Variants in LTBP3 observed in about 807,000 individuals in gnomAD.
The protein encoded by LTBP3 is latent-transforming growth factor beta-binding protein 3.
A neutral mutation model predicts 159.7 loss-of-function variants in LTBP3; 97 were observed. The ratio of observed to expected loss-of-function variants is 0.61; its 90% CI spans 0.52 to 0.72. The LOEUF is 0.72. Ranked by LOEUF, LTBP3 falls within the 30% of genes least tolerant of loss-of-function variation. The pLI is 0.00. For missense variants in LTBP3, 1,584 were observed against 1,864.3 expected (o/e 0.85, Z 2.77); for synonymous variants, 824 against 777.1 (o/e 1.06, Z -1.00).
At chr11:65,555,123 T>C (rs556339439) in intron 1 of LTBP3, among the ~76,000 whole-genome samples, 21 of 152,216 alleles carry the variant, frequency 1.4e-4, no homozygotes, top group Non-Finnish European at 2.1e-4. Context: ...TAATGTCCCA[T>C]GAACCTGCCT....
chr11:65,553,275 T>G lies in LTBP3; in HGVS notation c.971-19A>C, dbSNP rs747338266. 6.3e-7 allele frequency: 1 copy of G among 1,591,802 alleles called. No homozygotes were observed. Among genetic ancestry groups the G allele is most frequent in the South Asian group, 1.1e-5 (1 of 90,584 alleles). On this transcript the variant is annotated intron_variant, in intron 4 of 27. Transcript: ENST00000301873. The surrounding 1 kb of genome is among the most constrained non-coding windows in gnomAD (Gnocchi z 6.5). ...CCTGTGTCTGCAGAGAGAGGATAGC[T>G]TGGCAGGGGAGGGTGAGGAGGGAAC... is the stretch of plus-strand genomic sequence containing the variant.
chr11:65,539,647 G>A lies in LTBP3; in HGVS notation c.3548-19C>T. ...TGGGACCCTGGGAGGAGCAGAACTG[G>A]TCAGCGACGTCCGGGTCCCCGGGCC... On this transcript the variant is annotated intron_variant, in intron 25 of 27. Coordinates refer to ENST00000301873, the MANE Select transcript of LTBP3 (RefSeq NM_001130144.3). The A allele has an allele frequency of 6.3e-7, 1 of 1,599,952 alleles. No homozygotes were observed. Among genetic ancestry groups the A allele is most frequent in the Non-Finnish European group, 8.5e-7 (1 of 1,175,700 alleles).
rs1037897694 is a variant in LTBP3 at position 65,554,807 on chromosome 11, C to T, written c.332-427G>A. ...CCAAAGGTATTGGCTCCGTCCCTGG[C>T]GCCTCCTCCTCTTCTCCCATAAACC... On this transcript the variant is annotated intron_variant, in intron 1 of 27. Transcript: ENST00000301873. The surrounding 1 kb of genome is among the most constrained non-coding windows in gnomAD (Gnocchi z 5.3). Among the ~76,000 whole-genome samples, 1 of 150,942 alleles carries T rather than the reference C, an allele frequency of 6.6e-6. No individual in the cohort carries two copies. The highest frequency in any genetic ancestry group is 6.6e-5 in the Admixed American group (1 of 15,158).
chr11:65,546,991 GC>G lies in LTBP3; in HGVS notation c.2108-72del, dbSNP rs1187024526. The G allele has an allele frequency of 6.3e-7, 1 of 1,595,514 alleles. No individual in the cohort carries two copies. The highest frequency in any genetic ancestry group is 8.5e-7 in the Non-Finnish European group (1 of 1,175,004). The stretch of plus-strand genomic sequence containing the variant: ...GGTGGCCCGGCTCCCAGCGTCCACA[GC>G]AGGGACTTCCTCCCACACAGATCAA... On this transcript the variant is annotated intron_variant, in intron 14 of 27. Coordinates refer to ENST00000301873, the MANE Select transcript of LTBP3 (RefSeq NM_001130144.3). This position sits in a 1 kb window ranked among gnomAD's most constrained non-coding sequence, Gnocchi z 4.0.
Position 65,538,665 on chromosome 11 carries a change from A to C in LTBP3, c.*415T>G. 8.5e-4 allele frequency: 1,137 copies of C among 1,343,752 alleles called. No homozygotes were observed. The highest frequency in any genetic ancestry group is 1.0e-3 in the Non-Finnish European group (1,038 of 994,674). 83.2% of individuals were successfully genotyped at this position (1,343,752 alleles called of 1,614,324 possible). On this transcript the variant is annotated 3_prime_UTR_variant, in exon 28 of 28. Coordinates refer to ENST00000301873, the MANE Select transcript of LTBP3 (RefSeq NM_001130144.3). The stretch of plus-strand genomic sequence containing the variant: ...CCGGCCGGCCCAGCCAGGCCATCTC[A>C]CGTGTACATAATCAGAGCCACAATA...
rs1289786148 is a variant in LTBP3, at chr11:65,546,121, C to T, written c.2353+321G>A. On this transcript the variant is annotated intron_variant, in intron 16 of 27. Transcript: ENST00000301873. The surrounding 1 kb of genome is among the most constrained non-coding windows in gnomAD (Gnocchi z 4.0). The stretch of plus-strand genomic sequence containing the variant: ...CCAGTTTTCAATGAGTCCCAGCCCC[C>T]AGCCCCGCCTCTTGGCGTATAATAA... 1.3e-5 allele frequency: 5 copies of T among 398,524 alleles called. No homozygotes were observed. The highest frequency in any genetic ancestry group is 1.1e-4 in the South Asian group (4 of 35,558). The allele number at this position is 398,524 out of a possible 1,614,324, so 24.7% of individuals were successfully genotyped here.
Position 65,546,732 on chromosome 11 carries a change from C to CCCCCGGGCCCCAA in LTBP3, c.2230+65_2230+66insTTGGGGCCCGGGG. ...CACCACCGCTACCCCGCCCCGCCCC[C>CCCCCGGGCCCCAA]AGCGGAGCCAGACTGGGGGAGGCAC... On this transcript the variant is annotated intron_variant, in intron 15 of 27. Transcript: ENST00000301873. The surrounding 1 kb of genome is among the most constrained non-coding windows in gnomAD (Gnocchi z 4.0). 1.3e-6 allele frequency: 2 copies of CCCCCGGGCCCCAA among 1,542,290 alleles called. No homozygotes were observed. Among genetic ancestry groups the CCCCCGGGCCCCAA allele is most frequent in the Non-Finnish European group, 1.7e-6 (2 of 1,143,016 alleles).
chr11:65,546,951 T>G lies in LTBP3; in HGVS notation c.2108-31A>C, dbSNP rs1429368506. 1 of 1,607,600 alleles carries G rather than the reference T, an allele frequency of 6.2e-7. No individual in the cohort carries two copies. Among genetic ancestry groups the G allele is most frequent in the Non-Finnish European group, 8.5e-7 (1 of 1,179,580 alleles). ...CGGGAGGGAGAAGGAAGAGGACCCA[T>G]CTGGGGACAACGCGGGTGGCCCGGC... is the stretch of plus-strand genomic sequence containing the variant. On this transcript the variant is annotated intron_variant, in intron 14 of 27. Transcript: ENST00000301873. The surrounding 1 kb of genome is among the most constrained non-coding windows in gnomAD (Gnocchi z 4.0).
rs960880284 is a variant in LTBP3, at chr11:65,546,459, T to TCGGGCG, written c.2330_2335dup (p.Ala777_Pro778dup). The TCGGGCG allele has an allele frequency of 5.7e-6, 9 of 1,573,392 alleles. No homozygotes were observed. The highest frequency in any genetic ancestry group is 2.3e-5 in the East Asian group (1 of 43,760). On this transcript the variant is annotated inframe_insertion, in exon 16 of 28. Transcript: ENST00000301873. This position sits in a 1 kb window ranked among gnomAD's most constrained non-coding sequence, Gnocchi z 4.0. ...GCGCTCACCCAAGCAACTGCGGCCG[T>TCGGGCG]CGGGCGCGGGCGCGTAGCCCTGGGC...
Position 65,553,598 on chromosome 11 carries a change from CT to C in LTBP3, c.865-69del. ...CCGGTGCCGCCTGTTAGGGTTGGGC[CT>C]TTTCCTCTTCCCCCGCCCCTCAGTT... On this transcript the variant is annotated intron_variant, in intron 3 of 27. Coordinates refer to ENST00000301873, the MANE Select transcript of LTBP3 (RefSeq NM_001130144.3). This position sits in a 1 kb window ranked among gnomAD's most constrained non-coding sequence, Gnocchi z 6.5. 6.6e-7 allele frequency: 1 copy of C among 1,506,578 alleles called. No individual in the cohort carries two copies. The highest frequency in any genetic ancestry group is 9.1e-7 in the Non-Finnish European group (1 of 1,102,086). The allele number at this position is 1,506,578 out of a possible 1,614,324, so 93.3% of individuals were successfully genotyped here.
intron 8 of LTBP3, 120 bp downstream of exon 8, chr11:65,551,852 G>C: frequency 8.2e-7 from 1 of 1,220,894 alleles, no homozygotes; most frequent in Non-Finnish European, 1.2e-6. Flanking sequence ...GAGGTCAGTG[G>C]ATGGGTCAGG....
rs779288121 is a variant in LTBP3 at position 65,539,859 on chromosome 11, G to T, written c.3408C>A (p.Asp1136Glu). ...SPAERAPERR[D>E]VCWSQRGEDG... The stretch of plus-strand genomic sequence containing the variant: ...CCTCTCCGCGCTGGCTCCAGCACAC[G>T]TCGCGCCGCTCCGGGGCACGCTCTG... Residue 1136 changes from aspartate to glutamate, a missense_variant, in exon 25 of 28, where the codon GAC becomes GAA. Transcript: ENST00000301873. 2.0e-6 allele frequency: 3 copies of T among 1,517,848 alleles called. No homozygotes were observed. The highest frequency in any genetic ancestry group is 1.8e-4 in the Middle Eastern group (1 of 5,664). 94.0% of individuals were successfully genotyped at this position (1,517,848 alleles called of 1,614,324 possible). A position where few individuals can be genotyped will look rare whatever the true frequency, so the allele number is the denominator to read the frequency against.
rs1197846405 is a variant in LTBP3, at chr11:65,541,607, A to T, written c.2718T>A (p.Gly906=). The part of the protein sequence containing the change: ...EGFTPTQDQH[G]CEEVEQPHHK... ...AGCTGGGAGGACACTCACCCTCACA[A>T]CCGTGCTGGTCCTGGGTGGGAGTGA... The change falls in exon 19 of 28, where the codon GGT becomes GGA. Residue 906 remains glycine (G), a synonymous_variant. Transcript: ENST00000301873. 6.2e-7 allele frequency: 1 copy of T among 1,614,036 alleles called. No homozygotes were observed. The highest frequency in any genetic ancestry group is 8.5e-7 in the Non-Finnish European group (1 of 1,179,990).
chr11:65,540,709 G>GGGCCTACAGGAGGGGCGT, intron 21 of LTBP3, 95 bp from the exon 22 acceptor site: 2 of 1,584,824 alleles, frequency 1.3e-6, no homozygotes, highest in African/African-American at 1.3e-5. Flanking sequence ...TCCCCGGGCG[G>GGGCCTACAGGAGGGGCGT]GGCCTACAGG....
chr11:65,548,017 G>A lies in LTBP3; in HGVS notation c.1749C>T (p.Asn583=), dbSNP rs1293270765. 6.2e-7 allele frequency: 1 copy of A among 1,613,926 alleles called. No homozygotes were observed. Among genetic ancestry groups the A allele is most frequent in the East Asian group, 2.2e-5 (1 of 44,874 alleles). Reference sequence around the variant, plus strand: ...GCACGCACTCTCCGTGGCCACAGATGTTCTGGTTCAGTCGGCACTCATCAG... The same window carrying A: ...GCACGCACTCTCCGTGGCCACAGATATTCTGGTTCAGTCGGCACTCATCAG... The part of the protein sequence containing the change: ...TETDECRLNQ[N]ICGHGECVPG... The change falls in exon 12 of 28, where the codon AAC becomes AAT. Residue 583 remains asparagine (N), a synonymous_variant. Coordinates refer to ENST00000301873, the MANE Select transcript of LTBP3 (RefSeq NM_001130144.3).
chr11:65,553,328 G>C lies in LTBP3; in HGVS notation c.971-72C>G, dbSNP rs1473591464. On this transcript the variant is annotated intron_variant, in intron 4 of 27. Coordinates refer to ENST00000301873, the MANE Select transcript of LTBP3 (RefSeq NM_001130144.3). The surrounding 1 kb of genome is among the most constrained non-coding windows in gnomAD (Gnocchi z 6.5). ...GGGAGGGGCACAGCAGATGTAGAGA[G>C]GAATCTGGTGACCTGGGGACTCCCA... 2 of 1,206,592 alleles carry C rather than the reference G, an allele frequency of 1.7e-6. No homozygotes were observed. Among genetic ancestry groups the C allele is most frequent in the Non-Finnish European group, 2.3e-6 (2 of 855,804 alleles). The allele number at this position is 1,206,592 out of a possible 1,614,324, so 74.7% of individuals were successfully genotyped here.
rs1565101783 is a variant in LTBP3 at position 65,554,314 on chromosome 11, G to A, written c.398C>T (p.Pro133Leu). ...CSSRNQCLCPPDFTGRFCQVP... is the reference protein window; with the variant it reads ...CSSRNQCLCPLDFTGRFCQVP... ...CTGGCAGAAGCGCCCAGTGAAGTCC[G>A]GGGGACACAGGCACTGGTTTCGCGA... Residue 133 changes from proline (P) to leucine (L), a missense_variant, in exon 2 of 28, where the codon CCG becomes CTG. This residue lies in a region of LTBP3 where 76 missense variants were observed against 133.3 expected (regional missense o/e 0.57). Coordinates refer to ENST00000301873, the MANE Select transcript of LTBP3 (RefSeq NM_001130144.3). This position sits in a 1 kb window ranked among gnomAD's most constrained non-coding sequence, Gnocchi z 5.3. 1.9e-6 allele frequency: 3 copies of A among 1,611,920 alleles called. No individual in the cohort carries two copies. Among genetic ancestry groups the A allele is most frequent in the Non-Finnish European group, 2.5e-6 (3 of 1,179,674 alleles).
Position 65,543,547 on chromosome 11 carries a change from C to A in LTBP3, c.2356G>T (p.Val786Leu), listed in dbSNP as rs1341757999. 3 of 1,614,092 alleles carry A rather than the reference C, an allele frequency of 1.9e-6. No homozygotes were observed. Among genetic ancestry groups the A allele is most frequent in the South Asian group, 1.1e-5 (1 of 91,088 alleles). ...ACGTCCCCAGCCTCACACTCGTCCA[C>A]ATCTGCAGGGCATAGGGGGTGTCAG... ...PAPDGRSCLD[V>L]DECEAGDVCD... The change falls in exon 17 of 28, where the codon GTG becomes TTG. Residue 786 changes from valine to leucine, a missense_variant and splice_region_variant. Coordinates refer to ENST00000301873, the MANE Select transcript of LTBP3 (RefSeq NM_001130144.3).
intron 18 of LTBP3, chr11:65,542,306 A>C (rs918864713): frequency 6.0e-6 from 1 of 165,338 alleles, no homozygotes; most frequent in Non-Finnish European, 1.3e-5. Context: ...GGCCTCCCCT[A>C]GCTGGGAGCC....
Sources: gnomAD v4.1 joint callset for allele counts (sites outside exome capture counted in the v4.1 genomes callset) on GRCh38, gnomAD v4.1.1 for gene constraint, gnomAD v4.1.1 regional missense constraint, Gnocchi (gnomAD v3.1) non-coding constraint, MANE v1.5 for transcripts, NCBI Gene and HGNC (gene_info 2026-07-23, HGNC 2026-07-21) for gene names.